Variants in KLRG1 observed in about 807,000 individuals in gnomAD.
The protein encoded by KLRG1 is killer cell lectin-like receptor subfamily G member 1.
KLRG1 carries 16 observed loss-of-function variants against 21.8 expected under a neutral mutation model. The ratio of observed to expected loss-of-function variants is 0.73; its 90% confidence interval spans 0.50 to 1.11. The LOEUF is 1.11. KLRG1 is among the 50% of genes most tolerant of loss of function. The probability of loss-of-function intolerance (pLI) is 0.00; values close to 1 mark genes in which losing one functional copy is unlikely to be tolerated. For synonymous variants in KLRG1, 69 were observed against 75.9 expected (o/e 0.91, Z 0.47); for missense variants, 173 against 218.3 (o/e 0.79, Z 1.31).
chr12:9,185,996 T>C, the KLRG1 span, among the ~76,000 whole-genome samples: 10 of 151,762 alleles, frequency 6.6e-5, no homozygotes, highest in East Asian at 1.9e-4. Flanking sequence ...TTAGTAGAGA[T>C]GGGGTTTCAC....
the KLRG1 span, among the ~76,000 whole-genome samples, chr12:9,145,812 T>G: frequency 6.6e-6 from 1 of 152,194 alleles, no homozygotes; most frequent in Non-Finnish European, 1.5e-5. Flanking sequence ...GTTTCCCAGG[T>G]ATAGTATTCT....
At chr12:9,076,032 C>A in the KLRG1 span, among the ~76,000 whole-genome samples, 1 of 152,108 alleles carries the variant, frequency 6.6e-6, no homozygotes, top group African/African-American at 2.4e-5. Context: ...ATTTCTTCAA[C>A]CGCTCATATA....
chr12:8,987,427 G>A (rs1946862081), upstream of KLRG1: 1 of 152,134 alleles, frequency 6.6e-6, no homozygotes, highest in Admixed American at 6.6e-5. Context: ...CAACCCACAG[G>A]GGAAGCACTC....
the KLRG1 span, among the ~76,000 whole-genome samples, chr12:9,120,436 C>T: frequency 6.6e-6 from 1 of 152,102 alleles, no homozygotes; most frequent in Non-Finnish European, 1.5e-5. Flanking sequence ...TAAGAACAAA[C>T]AAGGAATATT....
the KLRG1 span, chr12:9,157,167 G>A: frequency 2.5e-6 from 4 of 1,611,026 alleles, no homozygotes; most frequent in South Asian, 4.4e-5. Context: ...ACTTATAAGT[G>A]CTCTCACCTT....
the KLRG1 span, among the ~76,000 whole-genome samples, chr12:9,033,575 AT>A: frequency 6.6e-6 from 1 of 152,220 alleles, no homozygotes; most frequent in Admixed American, 6.5e-5. Context: ...CCTTGGCTCT[AT>A]GCTTGCTCAG....
At chr12:9,192,613 C>T in the KLRG1 span, 2 of 1,614,156 alleles carry the variant, frequency 1.2e-6, no homozygotes, top group Non-Finnish European at 1.7e-6. Context: ...AGGGTACCAG[C>T]CACAGGCTCC....
chr12:9,124,241 A>T, the KLRG1 span, among the ~76,000 whole-genome samples: 1 of 152,216 alleles, frequency 6.6e-6, no homozygotes, highest in Non-Finnish European at 1.5e-5. Flanking sequence ...GATACCATTG[A>T]TGGTAGCCGC....
the KLRG1 span, chr12:9,093,650 C>A: frequency 5.0e-6 from 4 of 793,588 alleles, no homozygotes; most frequent in Non-Finnish European, 5.4e-6. Context: ...GTAATAGTTG[C>A]CACCAAAAAA....
the KLRG1 span, chr12:9,093,380 C>A: frequency 1.1e-6 from 1 of 873,160 alleles, no homozygotes; most frequent in Non-Finnish European, 1.9e-6. Flanking sequence ...ACATATAAAA[C>A]AATAAAAACA....
chr12:9,054,447 T>C, the KLRG1 span, among the ~76,000 whole-genome samples: 1 of 152,186 alleles, frequency 6.6e-6, no homozygotes, highest in African/African-American at 2.4e-5. Context: ...TTAATTTTTA[T>C]GGATACATAA....
rs887846937 is a variant in KLRG1, at chr12:9,010,108, C to G, written c.*571C>G. 1 of 1,175,030 alleles carries G rather than the reference C, an allele frequency of 8.5e-7. No homozygotes were observed. 72.8% of individuals were successfully genotyped at this position (1,175,030 alleles called of 1,614,324 possible). A position where few individuals can be genotyped will look rare whatever the true frequency, so the allele number is the denominator to read the frequency against. ...AGCTGAGGTGGGAGGGTCGCTTGAG[C>G]CCAGGAGTTTGAGGCTGCAGTGAGC... On this transcript the variant is annotated 3_prime_UTR_variant, in exon 5 of 5. Transcript: ENST00000356986.
chr12:9,092,851 T>C, the KLRG1 span, among the ~76,000 whole-genome samples: 2 of 152,186 alleles, frequency 1.3e-5, no homozygotes, highest in Admixed American at 1.3e-4. Context: ...TGCCAAGATA[T>C]AAAAACAACC....
the KLRG1 span, among the ~76,000 whole-genome samples, chr12:9,038,823 T>C: frequency 6.6e-6 from 1 of 150,534 alleles, no homozygotes; most frequent in South Asian, 2.1e-4. Context: ...CGCTTGATTC[T>C]CCACCCAGGA....
the KLRG1 span, among the ~76,000 whole-genome samples, chr12:9,170,800 G>T: frequency 1.3e-5 from 2 of 152,156 alleles, no homozygotes; most frequent in African/African-American, 2.4e-5. The surrounding 1 kb of genome is among the most constrained non-coding windows in gnomAD (Gnocchi z 4.6). Flanking sequence ...TTTCTGTGGG[G>T]GCTTCAGGTA....
the KLRG1 span, among the ~76,000 whole-genome samples, chr12:9,033,254 T>A: frequency 6.6e-6 from 1 of 152,018 alleles, no homozygotes; most frequent in Non-Finnish European, 1.5e-5. Flanking sequence ...CTGGGGAACG[T>A]AGAAAGTCAT....
chr12:9,169,382 A>G, the KLRG1 span: 1 of 1,471,746 alleles, frequency 6.8e-7, no homozygotes, highest in South Asian at 1.3e-5. Flanking sequence ...TTTTATTAAC[A>G]TTCAAAAACT....
chr12:9,149,505 C>T, the KLRG1 span: 2 of 1,496,280 alleles, frequency 1.3e-6, no homozygotes, highest in Non-Finnish European at 9.2e-7. Context: ...ATTGCAGGGG[C>T]CCTTGGAGAG....
chr12:9,208,203 A>G, the KLRG1 span: 1 of 1,368,752 alleles, frequency 7.3e-7, no homozygotes, highest in Non-Finnish European at 1.0e-6. Context: ...CAAAGCGAAG[A>G]CACAAGGGAG....
Sources: allele counts gnomAD v4.1 joint callset (sites outside exome capture counted in the v4.1 genomes callset), GRCh38; gene constraint gnomAD v4.1.1; non-coding constraint Gnocchi (gnomAD v3.1); transcripts MANE v1.5; gene names NCBI Gene and HGNC (gene_info 2026-07-23, HGNC 2026-07-21).